The following SPMIP2 variants were observed in gnomAD, a reference collection of about 807,000 sequenced individuals.
SPMIP2 encodes protein SPMIP2.
At chr4:159,010,582 C>T in the SPMIP2 span, among the ~76,000 whole-genome samples, 3 of 152,186 alleles carry the variant, frequency 2.0e-5, no homozygotes, top group African/African-American at 7.2e-5. Context: ...GGCTCTGCAC[C>T]ACTCTGCCTC....
At chr4:158,969,605 T>C in the SPMIP2 span, among the ~76,000 whole-genome samples, 3 of 152,166 alleles carry the variant, frequency 2.0e-5, no homozygotes. Context: ...TCACTCAGCA[T>C]GGAAGTTATT....
chr4:159,009,351 A>T, the SPMIP2 span, among the ~76,000 whole-genome samples: 1 of 152,206 alleles, frequency 6.6e-6, no homozygotes, highest in Non-Finnish European at 1.5e-5. Context: ...CATGAAAATG[A>T]GGCTTAGCAA....
At chr4:158,986,072 T>A in the SPMIP2 span, among the ~76,000 whole-genome samples, 1 of 150,942 alleles carries the variant, frequency 6.6e-6, no homozygotes, top group African/African-American at 2.4e-5. Flanking sequence ...GAATCCAACT[T>A]ACAAGGGATG....
At chr4:158,913,679 G>A in the SPMIP2 span, among the ~76,000 whole-genome samples, 5 of 152,212 alleles carry the variant, frequency 3.3e-5, no homozygotes, top group Admixed American at 3.3e-4. Context: ...GGTCTAGCCT[G>A]TAGACCATTT....
the SPMIP2 span, among the ~76,000 whole-genome samples, chr4:158,897,004 C>A: frequency 6.6e-6 from 1 of 151,770 alleles, no homozygotes; most frequent in African/African-American, 2.4e-5. Context: ...CAGCCCCCCA[C>A]CCGCCAAATA....
the SPMIP2 span, among the ~76,000 whole-genome samples, chr4:158,920,101 T>C: frequency 6.6e-6 from 1 of 152,348 alleles, no homozygotes; most frequent in Non-Finnish European, 1.5e-5. Context: ...GAAGATTTCA[T>C]GGATATTTAT....
chr4:158,995,658 A>G, the SPMIP2 span, among the ~76,000 whole-genome samples: 1 of 152,086 alleles, frequency 6.6e-6, no homozygotes, highest in Non-Finnish European at 1.5e-5. Context: ...ACAGATCAAG[A>G]CCATCCTGGC....
At chr4:159,053,357 C>G in the SPMIP2 span, among the ~76,000 whole-genome samples, 1 of 152,060 alleles carries the variant, frequency 6.6e-6, no homozygotes, top group Non-Finnish European at 1.5e-5. Flanking sequence ...CTACTTGATG[C>G]TCCCCCTTTT....
chr4:159,081,561 C>T, the SPMIP2 span, among the ~76,000 whole-genome samples: 4 of 151,866 alleles, frequency 2.6e-5, no homozygotes, highest in South Asian at 8.3e-4. Context: ...TGTGGTGGCG[C>T]ACTCCTGCAG....
At chr4:158,970,147 G>A in the SPMIP2 span, among the ~76,000 whole-genome samples, 2 of 152,148 alleles carry the variant, frequency 1.3e-5, no homozygotes, top group Non-Finnish European at 2.9e-5. Context: ...TGTATGTATC[G>A]GCTCAAGTGT....
the SPMIP2 span, among the ~76,000 whole-genome samples, chr4:158,912,212 A>G: frequency 2.0e-5 from 3 of 152,214 alleles, no homozygotes; most frequent in Admixed American, 6.5e-5. Flanking sequence ...ATGGATTTCC[A>G]AAAGTATTTT....
At chr4:158,971,437 G>A in the SPMIP2 span, among the ~76,000 whole-genome samples, 1 of 152,104 alleles carries the variant, frequency 6.6e-6, no homozygotes. Context: ...GGTCTTCTTT[G>A]GAATATGCTG....
chr4:159,016,753 G>A, the SPMIP2 span, among the ~76,000 whole-genome samples: 2 of 152,190 alleles, frequency 1.3e-5, no homozygotes, highest in Non-Finnish European at 2.9e-5. Flanking sequence ...CCCCCCACAG[G>A]GAGACACTAG....
At chr4:158,928,458 G>T in the SPMIP2 span, among the ~76,000 whole-genome samples, 20 of 152,056 alleles carry the variant, frequency 1.3e-4, no homozygotes, top group African/African-American at 4.1e-4. Context: ...CTCTGGTGGG[G>T]CCTTGGAGAA....
At chr4:159,065,880 A>T in the SPMIP2 span, among the ~76,000 whole-genome samples, 2 of 152,188 alleles carry the variant, frequency 1.3e-5, no homozygotes, top group Non-Finnish European at 2.9e-5. Context: ...TAGATAAGAA[A>T]GTTAAGGTTA....
the SPMIP2 span, among the ~76,000 whole-genome samples, chr4:159,057,961 C>T: frequency 6.6e-6 from 1 of 152,094 alleles, no homozygotes; most frequent in South Asian, 2.1e-4. Context: ...ACCTCCCAGG[C>T]TCAATCAATC....
chr4:158,969,598 C>T, the SPMIP2 span, among the ~76,000 whole-genome samples: 1 of 152,152 alleles, frequency 6.6e-6, no homozygotes, highest in African/African-American at 2.4e-5. Context: ...TCAGGTGTCA[C>T]TCAGCATGGA....
At chr4:158,948,385 G>T in the SPMIP2 span, among the ~76,000 whole-genome samples, 1 of 152,026 alleles carries the variant, frequency 6.6e-6, no homozygotes, top group East Asian at 1.9e-4. Flanking sequence ...CTCATTGGTT[G>T]GGTATAAAAT....
chr4:158,928,270 A>G, the SPMIP2 span, among the ~76,000 whole-genome samples: 1 of 152,058 alleles, frequency 6.6e-6, no homozygotes, highest in Non-Finnish European at 1.5e-5. Flanking sequence ...GCACCAGTCG[A>G]CACTCTGTAT....
Sources: allele counts gnomAD v4.1 joint callset (sites outside exome capture counted in the v4.1 genomes callset), GRCh38; gene constraint gnomAD v4.1.1; transcripts MANE v1.5; gene names NCBI Gene and HGNC (gene_info 2026-07-23, HGNC 2026-07-21).